SFXN2: variants seen among roughly 807,000 people sequenced by gnomAD.
SFXN2 encodes sideroflexin-2.
SFXN2 carries 37 observed loss-of-function variants against 41.9 expected under a neutral mutation model. That is an observed-to-expected ratio of 0.88 (90% CI 0.68 to 1.16). SFXN2 has a LOEUF of 1.16. Among genes scored for constraint, SFXN2 ranks in the 50% most tolerant of loss-of-function variants. The pLI is 0.00. For missense variants in SFXN2, 386 were observed against 425.2 expected, an observed-to-expected ratio of 0.91 and a Z score of 0.81; for synonymous variants, 150 against 156.7, an observed-to-expected ratio of 0.96 and a Z score of 0.32.
At chr10:102,732,262 A>G (rs368245404) in intron 8 of SFXN2, 44 bp downstream of exon 8, 2 of 1,574,340 alleles carry the variant, frequency 1.3e-6, no homozygotes, top group African/African-American at 1.3e-5. Flanking sequence ...CCTGTGACAC[A>G]GGGTGGAGGT....
rs1413301280 is a variant in SFXN2, at chr10:102,727,029, G to T, written c.204G>T (p.Leu68=). 2 of 1,605,874 alleles carry T rather than the reference G, an allele frequency of 1.2e-6. No individual in the cohort carries two copies. Among genetic ancestry groups the T allele is most frequent in the East Asian group, 2.2e-5 (1 of 44,622 alleles). The stretch of plus-strand genomic sequence containing the variant: ...CAGGCACCCAAGTGGAGCAGCTGCT[G>T]TATGCCAAGAAGCTGTATGACTCGG... ...VPPGTQVEQL[L]YAKKLYDSAF... Residue 68 remains leucine (L), a synonymous_variant, in exon 3 of 12, where the codon CTG becomes CTT. Transcript: ENST00000369893.
intron 5 of SFXN2, 55 bp downstream of exon 5, chr10:102,729,449 G>A: frequency 6.3e-7 from 1 of 1,591,318 alleles, no homozygotes. Flanking sequence ...CAGAGTCCTA[G>A]GGAAAACGTC....
At chr10:102,723,443 G>A (rs946703994) in intron 1 of SFXN2, among the ~76,000 whole-genome samples, 1 of 151,872 alleles carries the variant, frequency 6.6e-6, no homozygotes. Flanking sequence ...GTAGAGATGG[G>A]GTTTCACCGT....
At chr10:102,733,672 G>A (rs1177103293) in intron 10 of SFXN2, 69 bp downstream of exon 10, 1 of 1,337,038 alleles carries the variant, frequency 7.5e-7, no homozygotes, top group African/African-American at 1.4e-5. Flanking sequence ...GTCTTGTCTA[G>A]CCCGTGTTGG....
At chr10:102,729,696 A>G (rs772365911) in intron 5 of SFXN2, 27 bp from the exon 6 acceptor site, 5 of 1,611,052 alleles carry the variant, frequency 3.1e-6, no homozygotes, top group African/African-American at 1.3e-5. Flanking sequence ...CTTCTGAACA[A>G]CTCCTACTGT....
chr10:102,735,370 G>A (rs140574107), intron 10 of SFXN2, among the ~76,000 whole-genome samples: 147 of 140,026 alleles, frequency 1.0e-3, no homozygotes, highest in Non-Finnish European at 1.8e-3. Context: ...TCTCCAAGTC[G>A]CTCCCCACCC....
In SFXN2 at chr10:102,728,556, C is replaced by T. The variant is rs764993323; in HGVS notation, c.431+27C>T. 6.3e-6 allele frequency: 10 copies of T among 1,595,338 alleles called. No individual in the cohort carries two copies. The African/African-American group carries it at 9.4e-5, about 15-fold the overall frequency. On this transcript the variant is annotated intron_variant, in intron 4 of 11. Transcript: ENST00000369893. ...TAGGAGACCTGAACCCCAGGCTGTC[C>T]TCGTGTCTCCCCACGAACAGCTTTT...
At chr10:102,716,138 G>A (rs1424571605) in intron 1 of SFXN2, 1 of 152,074 alleles carries the variant, frequency 6.6e-6, no homozygotes, top group African/African-American at 2.4e-5. Context: ...TTTCTAAGTT[G>A]TCTGGTGCCT....
chr10:102,741,579 AT>A lies in SFXN2; in HGVS notation c.*3823del. The A allele has an allele frequency of 6.6e-6, 1 of 152,266 alleles. No homozygotes were observed. Among genetic ancestry groups the A allele is most frequent in the Non-Finnish European group, 1.5e-5 (1 of 68,032 alleles). 9.4% of individuals were successfully genotyped at this position (152,266 alleles called of 1,614,324 possible). ...GCCACCATGCCCAGCTAATTTTTAA[AT>A]TTTTTGTAGACAGAGGGCCTCACTA... On this transcript the variant is annotated 3_prime_UTR_variant, in exon 12 of 12. Transcript: ENST00000369893.
At chr10:102,718,626 G>C (rs895719834) in intron 1 of SFXN2, among the ~76,000 whole-genome samples, 1 of 152,210 alleles carries the variant, frequency 6.6e-6, no homozygotes, top group Non-Finnish European at 1.5e-5. Flanking sequence ...GCCAGGCCAG[G>C]GCGCTGTGGA....
intron 6 of SFXN2, among the ~76,000 whole-genome samples, chr10:102,731,264 C>CAAA (rs368931070): frequency 4.7e-5 from 4 of 85,178 alleles, no homozygotes; most frequent in Non-Finnish European, 4.7e-5. Context: ...GCGATTGTCT[C>CAAA]AAAAAAAAAA....
chr10:102,725,924 G>A (rs924917247), intron 1 of SFXN2, among the ~76,000 whole-genome samples: 10 of 151,984 alleles, frequency 6.6e-5, no homozygotes, highest in Non-Finnish European at 7.4e-5. Flanking sequence ...GGCTTTGGGT[G>A]TTTTTTTGTT....
Position 102,729,366 on chromosome 10 carries a change from C to A in SFXN2, c.479C>A (p.Thr160Lys). The A allele has an allele frequency of 6.2e-7, 1 of 1,614,178 alleles. No homozygotes were observed. The highest frequency in any genetic ancestry group is 8.5e-7 in the Non-Finnish European group (1 of 1,180,034). Residue 160 changes from threonine (T) to lysine (K), a missense_variant, in exon 5 of 12, where the codon ACG becomes AAG. Physicochemically the swap from Thr to Lys is moderately conservative, Grantham distance 78. Coordinates refer to ENST00000369893, the MANE Select transcript of SFXN2 (RefSeq NM_178858.6). ...YFTATTTAVA[T>K]AVGMNMLTKK... The stretch of plus-strand genomic sequence containing the variant: ...ACAGCCACAACCACTGCTGTGGCCA[C>A]GGCTGTGGGCATGAACATGTTGACA...
At chr10:102,726,559 T>G in intron 1 of SFXN2, 53 bp from the exon 2 acceptor site, 1 of 1,572,710 alleles carries the variant, frequency 6.4e-7, no homozygotes, top group Non-Finnish European at 8.6e-7. Context: ...GCTCAGGTCC[T>G]CTGTGGTGGG....
chr10:102,726,335 C>T (rs988711251), intron 1 of SFXN2, among the ~76,000 whole-genome samples: 10 of 152,186 alleles, frequency 6.6e-5, no homozygotes, highest in Non-Finnish European at 1.0e-4. Flanking sequence ...GGCTTTTGTT[C>T]CCAGAGCTCT....
intron 1 of SFXN2, among the ~76,000 whole-genome samples, chr10:102,722,983 G>C (rs2064532205): frequency 7.2e-6 from 1 of 139,458 alleles, no homozygotes; most frequent in Admixed American, 7.5e-5. Flanking sequence ...CCAGGCTGGA[G>C]TGCAGTGGCT....
At position 102,729,355 on chromosome 10, in the gene SFXN2, T is replaced by C; in HGVS notation, c.468T>C (p.Thr156=). The C allele has an allele frequency of 6.2e-7, 1 of 1,614,164 alleles. No homozygotes were observed. The change falls in exon 5 of 12, where the codon ACT becomes ACC. Residue 156 remains threonine (T), a synonymous_variant. Coordinates refer to ENST00000369893, the MANE Select transcript of SFXN2 (RefSeq NM_178858.6). Reference sequence around the variant, plus strand: ...TTTCCTACTTCACAGCCACAACCACTGCTGTGGCCACGGCTGTGGGCATGA... The same window carrying C: ...TTTCCTACTTCACAGCCACAACCACCGCTGTGGCCACGGCTGTGGGCATGA... The part of the protein sequence containing the change: ...MALSYFTATT[T]AVATAVGMNM...
intron 1 of SFXN2, among the ~76,000 whole-genome samples, chr10:102,723,655 T>A (rs1827435150): frequency 6.6e-6 from 1 of 152,170 alleles, no homozygotes. Flanking sequence ...CAGAATCAGA[T>A]GGTATGCATC....
rs769369894 is a variant in SFXN2 at position 102,732,843 on chromosome 10, C to G, written c.722-16C>G. ...CCTCCCAGCCCTCCCCTCAGCTTCT[C>G]CCTGGTCTCTTCCAGTCTTGCTGCC... On this transcript the variant is annotated splice_polypyrimidine_tract_variant and intron_variant, in intron 8 of 11. Transcript: ENST00000369893. 1 of 1,614,120 alleles carries G rather than the reference C, an allele frequency of 6.2e-7. No individual in the cohort carries two copies. The highest frequency in any genetic ancestry group is 1.1e-5 in the South Asian group (1 of 91,074).
Sources: gnomAD v4.1 joint callset for allele counts (sites outside exome capture counted in the v4.1 genomes callset) on GRCh38, gnomAD v4.1.1 for gene constraint, MANE v1.5 for transcripts, NCBI Gene and HGNC (gene_info 2026-07-23, HGNC 2026-07-21) for gene names.